CTIF: variants seen among roughly 807,000 people sequenced by gnomAD.
CTIF encodes cap binding complex dependent translation initiation factor, also known as CBP80/20-dependent translation initiation factor.
Under a neutral mutation model 66.0 loss-of-function variants are expected in CTIF, and 21 were observed. The observed-to-expected ratio is 0.32, with a 90% CI of 0.23 to 0.46. CTIF has a LOEUF of 0.46. CTIF is among the 20% of genes least tolerant of loss of function. The pLI is 1.00. For synonymous variants in CTIF, 345 were observed against 326.4 expected, an observed-to-expected ratio of 1.06 and a Z score of -0.62; for missense variants, 739 against 812.7, an observed-to-expected ratio of 0.91 and a Z score of 1.10.
chr18:48,579,407 A>G (rs60327862), intron 1 of CTIF, among the ~76,000 whole-genome samples: 22,390 of 152,118 alleles, frequency 0.15, 3,196 homozygotes, highest in African/African-American at 0.38. Context: ...CGGCTTCCCA[A>G]AGTGCTGGGA....
At chr18:48,722,279 A>C (rs1227071228) in intron 7 of CTIF, among the ~76,000 whole-genome samples, 1 of 145,744 alleles carries the variant, frequency 6.9e-6, no homozygotes, top group Non-Finnish European at 1.5e-5. Context: ...GCAGTGGCAC[A>C]ATTATAGCTC....
At chr18:48,566,428 G>C (rs556396344) in intron 1 of CTIF, 1 of 152,400 alleles carries the variant, frequency 6.6e-6, no homozygotes, top group South Asian at 2.1e-4. Flanking sequence ...AAAGTTGGTG[G>C]GGAAGAGAGA....
intron 3 of CTIF, among the ~76,000 whole-genome samples, chr18:48,641,013 T>C (rs951843659): frequency 6.6e-6 from 1 of 152,220 alleles, no homozygotes; most frequent in Non-Finnish European, 1.5e-5. Context: ...CAACTGGGAT[T>C]CAGCTGTATT....
In CTIF at chr18:48,711,608, C is replaced by G. The variant is rs184619274; in HGVS notation, c.508-11C>G. Reference sequence around the variant, plus strand: ...TTACTAATGATCCCCCTTCCTCCCCCCATGACACAGGGCTACCACCCGATG... The same window carrying G: ...TTACTAATGATCCCCCTTCCTCCCCGCATGACACAGGGCTACCACCCGATG... On this transcript the variant is annotated splice_polypyrimidine_tract_variant and intron_variant, in intron 6 of 11. Transcript: ENST00000256413. 1,267 of 1,613,068 alleles carry G rather than the reference C, an allele frequency of 7.9e-4. 1 individual carries two copies. The highest frequency in any genetic ancestry group is 1.0e-3 in the Non-Finnish European group (1,189 of 1,179,108).
At chr18:48,565,920 G>C (rs1325239033) in intron 1 of CTIF, 2 of 152,338 alleles carry the variant, frequency 1.3e-5, no homozygotes, top group Non-Finnish European at 2.9e-5. Flanking sequence ...CCGGCCTCCT[G>C]AACTTGTGCC....
chr18:48,827,528 T>TA (rs1006199207), intron 10 of CTIF, among the ~76,000 whole-genome samples: 140 of 152,284 alleles, frequency 9.2e-4, no homozygotes, highest in African/African-American at 3.2e-3. Flanking sequence ...GTTCTGACTG[T>TA]AACGGTCAAA....
intron 2 of CTIF, among the ~76,000 whole-genome samples, chr18:48,621,206 C>T (rs1007893464): frequency 1.9e-4 from 28 of 144,290 alleles, no homozygotes; most frequent in Non-Finnish European, 3.7e-4. Context: ...AAAAGTAAAG[C>T]GGAAAATGGA....
At chr18:48,813,940 G>T (rs1006996997) in intron 9 of CTIF, among the ~76,000 whole-genome samples, 10 of 152,178 alleles carry the variant, frequency 6.6e-5, no homozygotes, top group Non-Finnish European at 1.2e-4. Context: ...CAGGCACAGG[G>T]CTTTGCTAGT....
At chr18:48,816,384 G>A (rs1311415031) in intron 9 of CTIF, among the ~76,000 whole-genome samples, 3 of 152,122 alleles carry the variant, frequency 2.0e-5, no homozygotes, top group East Asian at 3.9e-4. Context: ...CTCTCAGAGC[G>A]CTGAGGTTTT....
At chr18:48,592,513 A>G (rs549306027) in intron 1 of CTIF, among the ~76,000 whole-genome samples, 7,306 of 149,394 alleles carry the variant, frequency 0.049, 526 homozygotes, top group African/African-American at 0.16. Context: ...AAAAAAAAAA[A>G]GAAAAAGAAA....
At chr18:48,803,561 G>A (rs2068087138) in intron 9 of CTIF, among the ~76,000 whole-genome samples, 1 of 152,230 alleles carries the variant, frequency 6.6e-6, no homozygotes, top group Admixed American at 6.5e-5. Flanking sequence ...GGTAAGGCCT[G>A]TGATTGCAGG....
chr18:48,574,816 G>T (rs1599167627), intron 1 of CTIF, among the ~76,000 whole-genome samples: 1 of 152,328 alleles, frequency 6.6e-6, no homozygotes, highest in East Asian at 1.9e-4. Flanking sequence ...ATTAGACACA[G>T]CCCTGGACTG....
chr18:48,646,927 G>GAAAAAAAAAAA (rs2091047076), intron 3 of CTIF, among the ~76,000 whole-genome samples: 1 of 84,864 alleles, frequency 1.2e-5, no homozygotes, highest in Non-Finnish European at 2.6e-5. Flanking sequence ...AAAAAAAAAC[G>GAAAAAAAAAAA]AAACCTGCAA....
At chr18:48,739,267 A>G (rs2092533242) in intron 7 of CTIF, among the ~76,000 whole-genome samples, 1 of 152,188 alleles carries the variant, frequency 6.6e-6, no homozygotes, top group Non-Finnish European at 1.5e-5. Flanking sequence ...AGCACAGGCC[A>G]CAGTGGGTTA....
At chr18:48,550,511 C>T (rs1455743250) in intron 1 of CTIF, among the ~76,000 whole-genome samples, 3 of 152,236 alleles carry the variant, frequency 2.0e-5, no homozygotes, top group Non-Finnish European at 4.4e-5. Context: ...CCCCTCTATA[C>T]ATACACATGC....
intron 3 of CTIF, among the ~76,000 whole-genome samples, chr18:48,659,230 C>A (rs1407491795): frequency 1.3e-5 from 2 of 152,082 alleles, no homozygotes; most frequent in African/African-American, 2.4e-5. Flanking sequence ...AGGAGTGCGG[C>A]CCCTGTGTCC....
At chr18:48,738,528 T>A (rs1255805382) in intron 7 of CTIF, among the ~76,000 whole-genome samples, 1 of 151,780 alleles carries the variant, frequency 6.6e-6, no homozygotes, top group Admixed American at 6.6e-5. Context: ...GACTTTGCAC[T>A]GGCTGTTCCC....
At chr18:48,588,468 G>A (rs1172834548) in intron 1 of CTIF, among the ~76,000 whole-genome samples, 1 of 152,164 alleles carries the variant, frequency 6.6e-6, no homozygotes, top group Non-Finnish European at 1.5e-5. Flanking sequence ...CTGGACCTCA[G>A]ATGTCTCAGA....
intron 6 of CTIF, among the ~76,000 whole-genome samples, chr18:48,711,149 G>C (rs2092218321): frequency 6.6e-6 from 1 of 152,302 alleles, no homozygotes; most frequent in South Asian, 2.1e-4. Flanking sequence ...GGGTTTTCAG[G>C]CTTCACCTCC....
Sources: gnomAD v4.1 joint callset for allele counts (sites outside exome capture counted in the v4.1 genomes callset) on GRCh38, gnomAD v4.1.1 for gene constraint, MANE v1.5 for transcripts, NCBI Gene and HGNC (gene_info 2026-07-23, HGNC 2026-07-21) for gene names.